Variants in CYTH3 observed in about 807,000 individuals in gnomAD.
CYTH3 encodes the protein cytohesin-3.
Under a neutral mutation model 55.1 loss-of-function variants are expected in CYTH3, and 23 were observed. The observed-to-expected ratio is 0.42, with a 90% CI of 0.30 to 0.59. CYTH3 has a LOEUF of 0.59. CYTH3 is among the 20% of genes least tolerant of loss of function. The probability of loss-of-function intolerance (pLI) is 0.20; values close to 1 mark genes in which losing one functional copy is unlikely to be tolerated. For missense variants in CYTH3, 413 were observed against 524.8 expected (o/e 0.79, Z 2.08); for synonymous variants, 249 against 194.9 (o/e 1.28, Z -2.31).
intron 1 of CYTH3, among the ~76,000 whole-genome samples, chr7:6,260,771 T>C (rs950622782): frequency 6.6e-6 from 1 of 152,182 alleles, no homozygotes; most frequent in Non-Finnish European, 1.5e-5. Context: ...TCCTCAGTCC[T>C]AGGATTTTTC....
intron 1 of CYTH3, among the ~76,000 whole-genome samples, chr7:6,214,264 T>C (rs946926894): frequency 6.6e-6 from 1 of 152,176 alleles, no homozygotes; most frequent in African/African-American, 2.4e-5. Flanking sequence ...TGTATAGCCT[T>C]TCAACGTTTT....
chr7:6,219,003 CAAAA>C (rs35386425), intron 1 of CYTH3, among the ~76,000 whole-genome samples: 788 of 74,292 alleles, frequency 0.011, 2 homozygotes, highest in South Asian at 0.044. Flanking sequence ...GACTCCGTCT[CAAAA>C]AAAAAAAAAA....
At chr7:6,244,586 T>A (rs1779756730) in intron 1 of CYTH3, among the ~76,000 whole-genome samples, 1 of 152,172 alleles carries the variant, frequency 6.6e-6, no homozygotes, top group Admixed American at 6.5e-5. Context: ...TGCCTCAGCC[T>A]CCTGAGTAGC....
At chr7:6,256,995 T>C (rs1328515645) in intron 1 of CYTH3, among the ~76,000 whole-genome samples, 1 of 152,250 alleles carries the variant, frequency 6.6e-6, no homozygotes, top group East Asian at 1.9e-4. Flanking sequence ...ATCTGACTAG[T>C]ATACAGTTTA....
chr7:6,264,080 C>T (rs34904930), intron 1 of CYTH3, among the ~76,000 whole-genome samples: 7,316 of 152,052 alleles, frequency 0.048, 268 homozygotes, highest in Middle Eastern at 0.075. Context: ...AACCCCATCG[C>T]TACTAAAAAT....
At chr7:6,263,130 T>A in intron 1 of CYTH3, among the ~76,000 whole-genome samples, 1 of 152,130 alleles carries the variant, frequency 6.6e-6, no homozygotes, top group African/African-American at 2.4e-5. Flanking sequence ...TTCCATCCCA[T>A]AACAAGAGCT....
Position 6,170,883 on chromosome 7 carries a change from C to T in CYTH3, c.658G>A (p.Ala220Thr), listed in dbSNP as rs749850896. The T allele has an allele frequency of 1.2e-6, 2 of 1,613,546 alleles. No homozygotes were observed. The highest frequency in any genetic ancestry group is 1.3e-5 in the African/African-American group (1 of 74,926). Residue 220 changes from alanine to threonine, a missense_variant, in exon 8 of 13, where the codon GCC becomes ACC. By Grantham distance (58) the Ala-to-Thr change is moderately conservative. This residue lies in a region of CYTH3 where 156 missense variants were observed against 233.1 expected (regional missense o/e 0.67). Transcript: ENST00000350796. The surrounding 1 kb of genome is among the most constrained non-coding windows in gnomAD (Gnocchi z 7.8). ...CCCTCGTTGATGCCGCGGTTCATGG[C>T]GATGAACCGTTCTGCCGTGGGCTTG... The part of the protein sequence containing the change: ...RDKPTAERFI[A>T]MNRGINEGGD...
intron 1 of CYTH3, among the ~76,000 whole-genome samples, chr7:6,259,800 TA>T (rs1478183318): frequency 1.8e-3 from 45 of 25,502 alleles, no homozygotes; most frequent in South Asian, 3.8e-3. Flanking sequence ...TATATATATA[TA>T]TATATATATA....
At position 6,185,258 on chromosome 7, in the gene CYTH3, C is replaced by T. The variant is rs146205699; in HGVS notation, c.249+1792G>A. On this transcript the variant is annotated intron_variant, in intron 4 of 12. Coordinates refer to ENST00000350796, the MANE Select transcript of CYTH3 (RefSeq NM_004227.4). ...AGAGTGTATGCATTAAACAAAAACC[C>T]TCCTCTGGGTGCAGATGTGCTGGGC... is the stretch of plus-strand genomic sequence containing the variant. 1.0e-3 allele frequency among the ~76,000 whole-genome samples: 156 copies of T among 152,322 alleles called. 2 individuals are homozygous for T. In the East Asian group the frequency reaches 0.018, roughly 18 times the overall value.
At chr7:6,225,101 T>C (rs1170992234) in intron 1 of CYTH3, among the ~76,000 whole-genome samples, 1 of 152,194 alleles carries the variant, frequency 6.6e-6, no homozygotes, top group Non-Finnish European at 1.5e-5. Flanking sequence ...TGTTCTAAAA[T>C]TAGATCAGGT....
At chr7:6,180,793 C>T (rs1260052739) in intron 4 of CYTH3, among the ~76,000 whole-genome samples, 1 of 152,208 alleles carries the variant, frequency 6.6e-6, no homozygotes, top group Non-Finnish European at 1.5e-5. Context: ...TGACCCACTA[C>T]ACCTACTCTA....
At chr7:6,265,242 G>GAA (rs34132679) in intron 1 of CYTH3, among the ~76,000 whole-genome samples, 3 of 143,342 alleles carry the variant, frequency 2.1e-5, no homozygotes, top group African/African-American at 7.6e-5. Flanking sequence ...AAAAGGTTAT[G>GAA]AAAAAAAAAA....
intron 2 of CYTH3, 85 bp downstream of exon 2, chr7:6,190,364 A>ATTTTTTT: frequency 1.1e-6 from 1 of 872,048 alleles, no homozygotes; most frequent in South Asian, 2.9e-5. Flanking sequence ...TTTTTTTTAC[A>ATTTTTTT]TTTTTGTGAG....
intron 5 of CYTH3, 137 bp from the exon 6 acceptor site, chr7:6,173,870 A>G: frequency 1.6e-6 from 1 of 642,480 alleles, no homozygotes; most frequent in Non-Finnish European, 2.8e-6. Context: ...AAACATTTGT[A>G]TTTTTTGTAG....
chr7:6,165,608 C>T lies in CYTH3; in HGVS notation c.909G>A (p.Glu303=), dbSNP rs758752571. Residue 303 remains glutamate, a synonymous_variant, in exon 11 of 13, where the codon GAG becomes GAA. Coordinates refer to ENST00000350796, the MANE Select transcript of CYTH3 (RefSeq NM_004227.4). The stretch of plus-strand genomic sequence containing the variant: ...TTTCCAACGGGATGATTCCCCTGGG[C>T]TCCTTATCCTACAAGAGGAAAGTAC... ...LYYFEYTTDK[E]PRGIIPLENL... 2.2e-5 allele frequency: 36 copies of T among 1,614,014 alleles called. No individual in the cohort carries two copies. The highest frequency in any genetic ancestry group is 2.8e-5 in the Non-Finnish European group (33 of 1,179,930).
chr7:6,215,313 A>G (rs6958932), intron 1 of CYTH3, among the ~76,000 whole-genome samples: 24,515 of 152,170 alleles, frequency 0.16, 4,819 homozygotes, highest in African/African-American at 0.47. Flanking sequence ...AGGACAGGCC[A>G]GGTGCGGTGG....
At position 6,271,604 on chromosome 7, in the gene CYTH3, T is replaced by C. The variant is rs374982291; in HGVS notation, c.34+870A>G. Among the ~76,000 whole-genome samples the C allele has an allele frequency of 1.9e-4, 29 of 152,296 alleles. No individual in the cohort carries two copies. The East Asian group carries it at 3.5e-3, about 18-fold the overall frequency. ...ATACAGAGGCACGTTCCTCTGTTTT[T>C]AAAATCTAATTCCCAGCATGACCCA... On this transcript the variant is annotated intron_variant, in intron 1 of 12. Transcript: ENST00000350796.
At chr7:6,216,475 A>T (rs1322490341) in intron 1 of CYTH3, among the ~76,000 whole-genome samples, 1 of 152,138 alleles carries the variant, frequency 6.6e-6, no homozygotes. Context: ...GCAGTGGCTC[A>T]TACCTGTAAT....
intron 1 of CYTH3, among the ~76,000 whole-genome samples, chr7:6,230,526 G>T (rs902625862): frequency 6.6e-6 from 1 of 152,142 alleles, no homozygotes; most frequent in African/African-American, 2.4e-5. Context: ...TGTCTTAGGG[G>T]ACTGAAATTA....
Sources: gnomAD v4.1 joint callset for allele counts (sites outside exome capture counted in the v4.1 genomes callset) on GRCh38, gnomAD v4.1.1 for gene constraint, gnomAD v4.1.1 regional missense constraint, Gnocchi (gnomAD v3.1) non-coding constraint, MANE v1.5 for transcripts, NCBI Gene and HGNC (gene_info 2026-07-23, HGNC 2026-07-21) for gene names.